LARGE1: variants seen among roughly 807,000 people sequenced by gnomAD.
LARGE1 encodes LARGE xylosyl- and glucuronyltransferase 1.
LARGE1 carries 43 observed loss-of-function variants against 87.6 expected under a neutral mutation model. The observed-to-expected ratio is 0.49, with a 90% CI of 0.38 to 0.63. The LOEUF is 0.63. Among genes scored for constraint, LARGE1 ranks in the 30% least tolerant of loss-of-function variants. The pLI is 0.00. For missense variants in LARGE1, 802 were observed against 1,000.2 expected (o/e 0.80, Z 2.67); for synonymous variants, 434 against 394.6 (o/e 1.10, Z -1.18).
At chr22:33,420,890 A>G (rs1440797395) in intron 7 of LARGE1, among the ~76,000 whole-genome samples, 1 of 152,212 alleles carries the variant, frequency 6.6e-6, no homozygotes, top group Non-Finnish European at 1.5e-5. Flanking sequence ...TACTTCGAGT[A>G]TTAAAGGAAA....
the LARGE1 span, among the ~76,000 whole-genome samples, chr22:33,139,846 C>T: frequency 6.6e-6 from 1 of 152,168 alleles, no homozygotes. Flanking sequence ...AAGAAATGAC[C>T]TTTGTTTGTG....
intron 6 of LARGE1, among the ~76,000 whole-genome samples, chr22:33,512,372 T>C (rs2071094723): frequency 6.6e-6 from 1 of 152,300 alleles, no homozygotes; most frequent in South Asian, 2.1e-4. Context: ...AGATGGAACA[T>C]TACCCAGTCA....
intron 6 of LARGE1, among the ~76,000 whole-genome samples, chr22:33,444,462 GCTCA>G (rs1051468237): frequency 4.6e-5 from 7 of 151,542 alleles, no homozygotes; most frequent in Non-Finnish European, 1.0e-4. Flanking sequence ...CATGATCTCG[GCTCA>G]CTCAGAACAG....
chr22:33,188,846 G>C (rs891026349), intron 11 of LARGE1, among the ~76,000 whole-genome samples: 1 of 152,116 alleles, frequency 6.6e-6, no homozygotes, highest in African/African-American at 2.4e-5. Context: ...TTGACTTCCA[G>C]GAAGGCACTT....
At chr22:33,435,554 T>G (rs2067238114) in intron 6 of LARGE1, among the ~76,000 whole-genome samples, 1 of 152,112 alleles carries the variant, frequency 6.6e-6, no homozygotes, top group African/African-American at 2.4e-5. Context: ...CTCTCTGTAG[T>G]CACCAATATT....
chr22:33,873,827 A>C (rs2064379640), intron 1 of LARGE1, among the ~76,000 whole-genome samples: 2 of 147,406 alleles, frequency 1.4e-5, no homozygotes, highest in African/African-American at 2.5e-5. Flanking sequence ...TGCCCTCCTC[A>C]CTCCATGTCA....
chr22:33,631,152 C>T (rs994860220), intron 3 of LARGE1, among the ~76,000 whole-genome samples: 1 of 110,020 alleles, frequency 9.1e-6, no homozygotes, highest in African/African-American at 2.5e-5. Context: ...TGCGCCCAGC[C>T]AACTGTCTAT....
chr22:33,807,068 G>A (rs1203821010), intron 1 of LARGE1, among the ~76,000 whole-genome samples: 1 of 152,126 alleles, frequency 6.6e-6, no homozygotes, highest in African/African-American at 2.4e-5. Flanking sequence ...AAGACAGCTG[G>A]ATAGGCAGTT....
chr22:33,161,682 T>C (rs1050017963), downstream of LARGE1, among the ~76,000 whole-genome samples: 7 of 152,340 alleles, frequency 4.6e-5, no homozygotes, highest in Non-Finnish European at 8.8e-5. Context: ...TCTTACATTG[T>C]GGTCATGCTG....
intron 1 of LARGE1, among the ~76,000 whole-genome samples, chr22:33,815,806 G>T (rs1228673525): frequency 6.6e-6 from 1 of 152,208 alleles, no homozygotes; most frequent in Non-Finnish European, 1.5e-5. Flanking sequence ...AGAGCCCTGT[G>T]AGTGTGCAGT....
rs146389913 is a variant in LARGE1 at position 33,660,432 on chromosome 22, A to T, written c.107-9764T>A. On this transcript the variant is annotated intron_variant, in intron 2 of 14. Coordinates refer to ENST00000397394, the MANE Select transcript of LARGE1 (RefSeq NM_133642.5). ...TGTATACTAGAAAAGGTGAATAGAT[A>T]TTCACCGCAAATCCTGACAATTGAT... 2.6e-4 allele frequency among the ~76,000 whole-genome samples: 39 copies of T among 152,316 alleles called. 1 individual carries two copies. In the East Asian group the frequency reaches 5.8e-3, roughly 23 times the overall value.
chr22:33,601,454 C>T (rs1007479689), intron 5 of LARGE1, among the ~76,000 whole-genome samples: 1 of 152,126 alleles, frequency 6.6e-6, no homozygotes, highest in African/African-American at 2.4e-5. Context: ...GTAGGCAGAT[C>T]ATGGCTTTGG....
chr22:33,069,195 A>G, the LARGE1 span, among the ~76,000 whole-genome samples: 568 of 152,234 alleles, frequency 3.7e-3, 4 homozygotes, highest in African/African-American at 0.013. Context: ...GCCATTCCTC[A>G]TTCGGCCGTC....
At chr22:33,798,958 C>T (rs2086072402) in intron 1 of LARGE1, among the ~76,000 whole-genome samples, 2 of 152,174 alleles carry the variant, frequency 1.3e-5, no homozygotes. Flanking sequence ...CCACCCAACA[C>T]TACTGCATCC....
the LARGE1 span, among the ~76,000 whole-genome samples, chr22:33,114,657 T>C: frequency 1.3e-5 from 2 of 152,230 alleles, no homozygotes; most frequent in African/African-American, 2.4e-5. Context: ...AGGTTCACAT[T>C]TAACTGAGTT....
At chr22:33,194,660 A>G (rs1923972766) in intron 11 of LARGE1, among the ~76,000 whole-genome samples, 1 of 152,196 alleles carries the variant, frequency 6.6e-6, no homozygotes, top group Admixed American at 6.5e-5. Context: ...GGAAGTAGAC[A>G]AAGTTTGGTT....
chr22:33,813,942 T>G (rs1281337561), intron 1 of LARGE1, among the ~76,000 whole-genome samples: 1 of 151,702 alleles, frequency 6.6e-6, no homozygotes, highest in African/African-American at 2.4e-5. Context: ...CCAGAGATAC[T>G]CCACACTCTT....
At chr22:33,114,424 C>A in the LARGE1 span, among the ~76,000 whole-genome samples, 6 of 152,180 alleles carry the variant, frequency 3.9e-5, no homozygotes, top group East Asian at 1.2e-3. Context: ...GAGCTCACAC[C>A]TGTGAAACAC....
chr22:33,279,968 C>T lies in LARGE1; in HGVS notation c.1878-2713G>A, dbSNP rs149049721. 3.3e-4 allele frequency among the ~76,000 whole-genome samples: 51 copies of T among 152,286 alleles called. No individual in the cohort carries two copies. The East Asian group carries it at 7.7e-3, about 23-fold the overall frequency. On this transcript the variant is annotated intron_variant, in intron 13 of 14. Coordinates refer to ENST00000397394, the MANE Select transcript of LARGE1 (RefSeq NM_133642.5). ...TGCAGAACAAAATGCTTTAATTAGC[C>T]GTTAATTTCCTTTTGTGTCAACTGG...
Sources: gnomAD v4.1 joint callset for allele counts (sites outside exome capture counted in the v4.1 genomes callset) on GRCh38, gnomAD v4.1.1 for gene constraint, MANE v1.5 for transcripts, NCBI Gene and HGNC (gene_info 2026-07-23, HGNC 2026-07-21) for gene names.